Variants in DNAI2 observed in about 807,000 individuals in gnomAD.
DNAI2 encodes dynein axonemal intermediate chain 2, also known as dynein, axonemal, intermediate polypeptide 2.
Under a neutral mutation model 74.7 loss-of-function variants are expected in DNAI2, and 63 were observed. That is an observed-to-expected ratio of 0.84 (90% CI 0.69 to 1.04). DNAI2 has a LOEUF of 1.04. Ranked by LOEUF, DNAI2 falls within the 50% of genes least tolerant of loss-of-function variation. The probability of loss-of-function intolerance (pLI) is 0.00; values close to 1 mark genes in which losing one functional copy is unlikely to be tolerated. For synonymous variants in DNAI2, 289 were observed against 314.9 expected, an observed-to-expected ratio of 0.92 and a Z score of 0.87; for missense variants, 688 against 803.2, an observed-to-expected ratio of 0.86 and a Z score of 1.73.
intron 12 of DNAI2, among the ~76,000 whole-genome samples, 166 bp downstream of exon 12, chr17:74,312,396 C>CT (rs2053585536): frequency 1.3e-5 from 2 of 152,122 alleles, no homozygotes; most frequent in Non-Finnish European, 2.9e-5. Context: ...TCCCTTCCTT[C>CT]CAAAGCATCC....
chr17:74,287,070 C>T lies in DNAI2; in HGVS notation c.439C>T (p.Pro147Ser), dbSNP rs750519729. 2 of 1,613,876 alleles carry T rather than the reference C, an allele frequency of 1.2e-6. No homozygotes were observed. Among genetic ancestry groups the T allele is most frequent in the Non-Finnish European group, 1.7e-6 (2 of 1,179,838 alleles). The change falls in exon 4 of 14, where the codon CCT becomes TCT. Residue 147 changes from proline to serine, a missense_variant. Transcript: ENST00000311014. ...GGCCATGGAAGTGATGGAGGAGGAC[C>T]CTTCAGCTAAAACCATCAATGTGTT... is the stretch of plus-strand genomic sequence containing the variant. ...EEAMEVMEED[P>S]SAKTINVFRD...
At chr17:74,287,395 A>C (rs1403944042) in intron 4 of DNAI2, among the ~76,000 whole-genome samples, 1 of 152,260 alleles carries the variant, frequency 6.6e-6, no homozygotes, top group Non-Finnish European at 1.5e-5. Context: ...ATGAGCAGCT[A>C]GCAGCACTGT....
chr17:74,286,897 C>T (rs1032626059), intron 3 of DNAI2, 80 bp from the exon 4 acceptor site: 5 of 1,594,832 alleles, frequency 3.1e-6, no homozygotes, highest in African/African-American at 2.7e-5. Context: ...TGTCCTGTCC[C>T]TCCCAGACTC....
chr17:74,289,211 C>G (rs1250669452), intron 4 of DNAI2, among the ~76,000 whole-genome samples: 1 of 152,176 alleles, frequency 6.6e-6, no homozygotes, highest in Non-Finnish European at 1.5e-5. Context: ...TATGGACCAC[C>G]AGAGCAGGAT....
At chr17:74,314,529 C>CAGG in intron 13 of DNAI2, 60 bp from the exon 14 acceptor site, 1 of 371,966 alleles carries the variant, frequency 2.7e-6, no homozygotes. Flanking sequence ...TCCTGGATGT[C>CAGG]TCCTGGGATT....
At chr17:74,301,333 T>A (rs974128708) in intron 8 of DNAI2, among the ~76,000 whole-genome samples, 165 bp downstream of exon 8, 1 of 152,146 alleles carries the variant, frequency 6.6e-6, no homozygotes, top group Non-Finnish European at 1.5e-5. Flanking sequence ...ACAACAACTT[T>A]CCAGCAGGGG....
At chr17:74,301,870 G>A (rs1445238762) in intron 8 of DNAI2, among the ~76,000 whole-genome samples, 3 of 32,928 alleles carry the variant, frequency 9.1e-5, no homozygotes, top group Non-Finnish European at 1.2e-4. Context: ...AAAGAAGGAA[G>A]GAAGGAAGGA....
intron 1 of DNAI2, among the ~76,000 whole-genome samples, chr17:74,275,804 C>T (rs545227972): frequency 2.6e-5 from 4 of 151,972 alleles, no homozygotes; most frequent in South Asian, 4.2e-4. Context: ...GCACAAGAAT[C>T]GCTTGAACTT....
At chr17:74,288,043 G>A (rs922728441) in intron 4 of DNAI2, among the ~76,000 whole-genome samples, 2 of 151,742 alleles carry the variant, frequency 1.3e-5, no homozygotes, top group Non-Finnish European at 2.9e-5. Flanking sequence ...CCAAAACAAA[G>A]CCGGTGCAGA....
At position 74,300,894 on chromosome 17, in the gene DNAI2, C is replaced by T. The variant is rs1056579947; in HGVS notation, c.865-152C>T. ...TGGGAACTGTGGACAGAACAGCAAT[C>T]CTCAAAGTGTATTTGCTCCCACGAA... On this transcript the variant is annotated intron_variant, in intron 7 of 13. Coordinates refer to ENST00000311014, the MANE Select transcript of DNAI2 (RefSeq NM_023036.6). The surrounding 1 kb of genome is among the most constrained non-coding windows in gnomAD (Gnocchi z 4.5). The T allele has an allele frequency of 8.5e-6, 9 of 1,064,040 alleles. No individual in the cohort carries two copies. In the African/African-American group the frequency reaches 1.2e-4, roughly 15 times the overall value. 65.9% of individuals were successfully genotyped at this position (1,064,040 alleles called of 1,614,324 possible).
chr17:74,305,139 A>C lies in DNAI2; in HGVS notation c.988-80A>C, dbSNP rs564144030. On this transcript the variant is annotated intron_variant, in intron 8 of 13. Coordinates refer to ENST00000311014, the MANE Select transcript of DNAI2 (RefSeq NM_023036.6). ...CTTTCTAGCGCCTGCAGACCCCCCAAGCAAGCTCCTGTCCATGCCCGCTAA... is the reference window on the plus strand; with the variant it reads ...CTTTCTAGCGCCTGCAGACCCCCCACGCAAGCTCCTGTCCATGCCCGCTAA... 4 of 1,484,332 alleles carry C rather than the reference A, an allele frequency of 2.7e-6. No individual in the cohort carries two copies. In the African/African-American group the frequency reaches 5.5e-5, roughly 21 times the overall value. 91.9% of individuals were successfully genotyped at this position (1,484,332 alleles called of 1,614,324 possible). A position where few individuals can be genotyped will look rare whatever the true frequency, so the allele number is the denominator to read the frequency against.
At chr17:74,313,321 G>A (rs1422398324) in intron 12 of DNAI2, among the ~76,000 whole-genome samples, 3 of 152,184 alleles carry the variant, frequency 2.0e-5, no homozygotes, top group Non-Finnish European at 4.4e-5. Flanking sequence ...TTCCACAGGT[G>A]CATTTTGCAT....
intron 6 of DNAI2, among the ~76,000 whole-genome samples, chr17:74,297,242 C>T (rs1354748912): frequency 6.6e-6 from 1 of 151,656 alleles, no homozygotes; most frequent in Non-Finnish European, 1.5e-5. Context: ...CCCGCCACCA[C>T]GCCCAGCTAA....
intron 12 of DNAI2, among the ~76,000 whole-genome samples, chr17:74,313,554 T>A (rs2144142793): frequency 6.6e-6 from 1 of 152,306 alleles, no homozygotes; most frequent in South Asian, 2.1e-4. Context: ...GGCACCATGC[T>A]TTGTGACATA....
At chr17:74,275,113 A>G (rs2050985449) in intron 1 of DNAI2, among the ~76,000 whole-genome samples, 1 of 152,184 alleles carries the variant, frequency 6.6e-6, no homozygotes, top group African/African-American at 2.4e-5. Flanking sequence ...CTAACGCAGC[A>G]GGTGACAGGA....
chr17:74,301,786 C>T lies in DNAI2; in HGVS notation c.987+618C>T, dbSNP rs115850728. ...GTACATAATGAGACCCCCCCCACCGCCCGCCCAGTCTTTACCAAGAAAGAA... is the reference window on the plus strand; with the variant it reads ...GTACATAATGAGACCCCCCCCACCGTCCGCCCAGTCTTTACCAAGAAAGAA... On this transcript the variant is annotated intron_variant, in intron 8 of 13. Transcript: ENST00000311014. Among the ~76,000 whole-genome samples the T allele has an allele frequency of 5.0e-3, 725 of 145,236 alleles. 7 individuals carry two copies. The highest frequency in any genetic ancestry group is 0.017 in the African/African-American group (675 of 38,818).
rs4007906 is a variant in DNAI2, at chr17:74,305,670, CT to C, written c.1211+250del. 0.057 allele frequency among the ~76,000 whole-genome samples: 6,906 copies of C among 122,206 alleles called. 129 individuals carry two copies. The highest frequency in any genetic ancestry group is 0.14 in the African/African-American group (4,049 of 28,816). The allele number at this position is 122,206 out of a possible 152,430, so 80.2% of individuals were successfully genotyped here. On this transcript the variant is annotated intron_variant, in intron 9 of 13. Coordinates refer to ENST00000311014, the MANE Select transcript of DNAI2 (RefSeq NM_023036.6). ...AATGGCCATGGCTTAATTTTATTTC[CT>C]TTTTTTTTTTTTTTTTTTTTTGAGA...
Position 74,312,338 on chromosome 17 carries a change from T to G in DNAI2, c.1722+108T>G. 3 of 807,020 alleles carry G rather than the reference T, an allele frequency of 3.7e-6. No homozygotes were observed. In the South Asian group the frequency reaches 5.0e-5, roughly 13 times the overall value. The allele number at this position is 807,020 out of a possible 1,614,324, so 50.0% of individuals were successfully genotyped here. On this transcript the variant is annotated intron_variant, in intron 12 of 13. Coordinates refer to ENST00000311014, the MANE Select transcript of DNAI2 (RefSeq NM_023036.6). ...CCTGGGTGACCTTGAGCAAGTAGTC[T>G]TACCTGCTAGATCTTAATTTATTCA...
At chr17:74,285,984 G>T (rs1221339373) in intron 3 of DNAI2, among the ~76,000 whole-genome samples, 32 of 151,792 alleles carry the variant, frequency 2.1e-4, no homozygotes, top group African/African-American at 6.5e-4. Flanking sequence ...GAGAGAGAGA[G>T]AGAGAGAGAG....
Sources: allele counts gnomAD v4.1 joint callset (sites outside exome capture counted in the v4.1 genomes callset), GRCh38; gene constraint gnomAD v4.1.1; non-coding constraint Gnocchi (gnomAD v3.1); transcripts MANE v1.5; gene names NCBI Gene and HGNC (gene_info 2026-07-23, HGNC 2026-07-21).